The following PTPRN2 variants were observed in gnomAD, a reference collection of about 807,000 sequenced individuals.
PTPRN2 encodes the protein protein tyrosine phosphatase receptor type N2.
In PTPRN2, 74 loss-of-function variants were observed where a neutral mutation model predicts 118.8. That is an observed-to-expected ratio of 0.62 (90% CI 0.52 to 0.76). The LOEUF is 0.76. PTPRN2 is among the 30% of genes least tolerant of loss of function. The probability of loss-of-function intolerance (pLI) is 0.00; values close to 1 mark genes in which losing one functional copy is unlikely to be tolerated. For missense variants in PTPRN2, 1,481 were observed against 1,394.4 expected (o/e 1.06, Z -0.99); for synonymous variants, 641 against 608.0 (o/e 1.05, Z -0.80).
intron 5 of PTPRN2, among the ~76,000 whole-genome samples, chr7:158,178,860 G>A (rs986801684): frequency 2.6e-5 from 4 of 152,120 alleles, no homozygotes; most frequent in Non-Finnish European, 4.4e-5. Context: ...GCCGCCCAAA[G>A]TGCTATGATT....
chr7:157,759,566 C>A (rs1390328840), intron 12 of PTPRN2, among the ~76,000 whole-genome samples: 1 of 152,174 alleles, frequency 6.6e-6, no homozygotes, highest in Non-Finnish European at 1.5e-5. Flanking sequence ...TTTTCAAAGG[C>A]CTCCTTCAAA....
chr7:158,132,352 AC>A (rs1435913716), intron 9 of PTPRN2, among the ~76,000 whole-genome samples: 1 of 151,876 alleles, frequency 6.6e-6, no homozygotes, highest in Non-Finnish European at 1.5e-5. Context: ...AAACCAATAC[AC>A]ATCTACCCGA....
At chr7:158,346,518 G>A (rs986915318) in intron 2 of PTPRN2, among the ~76,000 whole-genome samples, 2 of 152,114 alleles carry the variant, frequency 1.3e-5, no homozygotes, top group African/African-American at 2.4e-5. Flanking sequence ...CCATCCATCT[G>A]TCGATGGACA....
rs1563260080 is a variant in PTPRN2 at position 157,942,207 on chromosome 7, G to GGCCCACCCTCCACACACAGGGGTCCTCA, written c.1724-43471_1724-43470insTGAGGACCCCTGTGTGTGGAGGGTGGGC. ...CCACCCTCCACACACAGGGGTCCTCGGCCCACCCTCCACACACGGGAGTCC... is the reference window on the plus strand; with the variant it reads ...CCACCCTCCACACACAGGGGTCCTCGGCCCACCCTCCACACACAGGGGTCCTCAGCCCACCCTCCACACACGGGAGTCC... On this transcript the variant is annotated intron_variant, in intron 11 of 22. Transcript: ENST00000389418. 1.7e-3 allele frequency among the ~76,000 whole-genome samples: 66 copies of GGCCCACCCTCCACACACAGGGGTCCTCA among 38,262 alleles called. 1 individual carries two copies. The highest frequency in any genetic ancestry group is 2.4e-3 in the Non-Finnish European group (59 of 24,152). The allele number at this position is 38,262 out of a possible 152,430, so 25.1% of individuals were successfully genotyped here.
chr7:158,342,051 C>G (rs1230278645), intron 2 of PTPRN2, among the ~76,000 whole-genome samples: 1 of 128,174 alleles, frequency 7.8e-6, no homozygotes, highest in Non-Finnish European at 1.7e-5. Context: ...CTGACACCCG[C>G]AGACGTTACT....
In PTPRN2 at chr7:158,384,851, G is replaced by A. The variant is rs1405807495; in HGVS notation, c.164-67919C>T. On this transcript the variant is annotated intron_variant, in intron 2 of 22. Transcript: ENST00000389418. Reference sequence around the variant, plus strand: ...AGACATTTTCACGAGTCAGAGGGCCGACCAAACACAGATGTCAGGGTGCAC... The same window carrying A: ...AGACATTTTCACGAGTCAGAGGGCCAACCAAACACAGATGTCAGGGTGCAC... Among the ~76,000 whole-genome samples the A allele has an allele frequency of 5.3e-5, 8 of 152,266 alleles. No homozygotes were observed. The East Asian group carries it at 9.6e-4, about 18-fold the overall frequency.
intron 1 of PTPRN2, among the ~76,000 whole-genome samples, chr7:158,585,504 G>A (rs1194299207): frequency 6.6e-6 from 1 of 152,174 alleles, no homozygotes; most frequent in Non-Finnish European, 1.5e-5. Context: ...TCTGTTACCA[G>A]TGACACCGTG....
intron 9 of PTPRN2, among the ~76,000 whole-genome samples, chr7:158,116,011 TCTGCACACC>T (rs574645457): frequency 2.2e-4 from 34 of 152,314 alleles, no homozygotes; most frequent in Middle Eastern, 6.8e-3. Flanking sequence ...ACAGGCCCGC[TCTGCACACC>T]CTGCATGGAG....
intron 6 of PTPRN2, among the ~76,000 whole-genome samples, chr7:158,152,134 A>G (rs1354012252): frequency 7.4e-6 from 1 of 134,724 alleles, no homozygotes. Context: ...AGATCACGCC[A>G]CTGCACTCCA....
At chr7:158,261,686 A>T (rs1195581291) in intron 3 of PTPRN2, among the ~76,000 whole-genome samples, 2 of 152,178 alleles carry the variant, frequency 1.3e-5, no homozygotes. Context: ...CCCAGCACAC[A>T]TGGGTCCCTG....
chr7:157,938,670 C>T (rs1799868103), intron 11 of PTPRN2, among the ~76,000 whole-genome samples: 2 of 152,196 alleles, frequency 1.3e-5, no homozygotes, highest in Non-Finnish European at 1.5e-5. Context: ...GTTTAAGTTG[C>T]ATTAAACTGA....
intron 2 of PTPRN2, among the ~76,000 whole-genome samples, chr7:158,326,619 T>G (rs1408343361): frequency 1.3e-5 from 2 of 150,758 alleles, no homozygotes; most frequent in South Asian, 4.2e-4. Context: ...CTCACACACA[T>G]GCACATTCTC....
At chr7:157,559,000 G>A (rs1292888437) in intron 21 of PTPRN2, among the ~76,000 whole-genome samples, 1 of 152,260 alleles carries the variant, frequency 6.6e-6, no homozygotes, top group Non-Finnish European at 1.5e-5. Flanking sequence ...AGGCCAAGGA[G>A]GGAGCCGAGG....
intron 1 of PTPRN2, among the ~76,000 whole-genome samples, chr7:158,573,055 G>A (rs1213610556): frequency 6.6e-6 from 1 of 152,168 alleles, no homozygotes; most frequent in Non-Finnish European, 1.5e-5. Flanking sequence ...AGAGTAATTA[G>A]CATGATGCAT....
At chr7:158,181,519 A>G (rs1458436420) in intron 5 of PTPRN2, among the ~76,000 whole-genome samples, 1 of 152,104 alleles carries the variant, frequency 6.6e-6, no homozygotes, top group Non-Finnish European at 1.5e-5. Flanking sequence ...ATTGGTACCA[A>G]TTCTTTGAGT....
At chr7:158,278,474 T>C (rs1335941075) in intron 3 of PTPRN2, among the ~76,000 whole-genome samples, 2 of 152,292 alleles carry the variant, frequency 1.3e-5, no homozygotes, top group African/African-American at 4.8e-5. Context: ...GGAGAATTGC[T>C]CGAACCGGTA....
rs557695039 is a variant in PTPRN2, at chr7:157,950,705, A to T, written c.1724-51968T>A. Among the ~76,000 whole-genome samples, 14 of 152,316 alleles carry T rather than the reference A, an allele frequency of 9.2e-5. No homozygotes were observed. In the South Asian group the frequency reaches 2.1e-3, roughly 23 times the overall value. ...CCATGGAGCAGGCTTATCCTCTACA[A>T]CTATTCTACAGAAAAGACAAGCAAG... On this transcript the variant is annotated intron_variant, in intron 11 of 22. Coordinates refer to ENST00000389418, the MANE Select transcript of PTPRN2 (RefSeq NM_002847.5).
At chr7:157,925,444 G>A (rs921136210) in intron 11 of PTPRN2, among the ~76,000 whole-genome samples, 7 of 152,244 alleles carry the variant, frequency 4.6e-5, no homozygotes, top group Non-Finnish European at 8.8e-5. Context: ...GCCCACATTT[G>A]CTACGTCCAA....
intron 12 of PTPRN2, among the ~76,000 whole-genome samples, chr7:157,821,252 C>G (rs1185686852): frequency 6.6e-6 from 1 of 152,226 alleles, no homozygotes; most frequent in African/African-American, 2.4e-5. Context: ...GAGACAACAA[C>G]AAGAATTCAG....
Sources: allele counts gnomAD v4.1 joint callset (sites outside exome capture counted in the v4.1 genomes callset), GRCh38; gene constraint gnomAD v4.1.1; transcripts MANE v1.5; gene names NCBI Gene and HGNC (gene_info 2026-07-23, HGNC 2026-07-21).